Variants in ERC1 observed in about 807,000 individuals in gnomAD.
ERC1 encodes RAB6 interacting protein 2.
In ERC1, 56 loss-of-function variants were observed where a neutral mutation model predicts 132.0. That is an observed-to-expected ratio of 0.42 (90% CI 0.34 to 0.53). The LOEUF (loss-of-function observed/expected upper bound fraction) is 0.53, where lower values mean the gene tolerates loss of function less well. Among genes scored for constraint, ERC1 ranks in the 20% least tolerant of loss-of-function variants. ERC1 has a pLI of 0.03. For synonymous variants in ERC1, 478 were observed against 476.1 expected (o/e 1.00, Z -0.05); for missense variants, 1,202 against 1,349.9 (o/e 0.89, Z 1.72).
At chr12:1,092,249 G>A (rs1021571030) in intron 3 of ERC1, among the ~76,000 whole-genome samples, 3 of 152,058 alleles carry the variant, frequency 2.0e-5, no homozygotes, top group Non-Finnish European at 4.4e-5. Context: ...CGCCCGCCTC[G>A]GCCTCCTAAT....
chr12:1,397,260 T>C (rs1330273835), intron 16 of ERC1, among the ~76,000 whole-genome samples: 1 of 152,224 alleles, frequency 6.6e-6, no homozygotes, highest in East Asian at 1.9e-4. Context: ...TGTAGTAACA[T>C]TGCTTATCTG....
At chr12:1,006,114 A>G (rs1461220534) in intron 1 of ERC1, among the ~76,000 whole-genome samples, 4 of 151,640 alleles carry the variant, frequency 2.6e-5, no homozygotes, top group African/African-American at 4.9e-5. Flanking sequence ...CTGCCACCAC[A>G]CCTGGCTCAT....
intron 1 of ERC1, among the ~76,000 whole-genome samples, chr12:1,021,402 A>G (rs1415515702): frequency 2.0e-5 from 3 of 151,816 alleles, no homozygotes; most frequent in Non-Finnish European, 2.9e-5. Flanking sequence ...CCTACTTACT[A>G]CTTACTATAA....
At chr12:1,067,971 G>A (rs112094587) in intron 2 of ERC1, among the ~76,000 whole-genome samples, 1 of 128,464 alleles carries the variant, frequency 7.8e-6, no homozygotes, top group Non-Finnish European at 1.6e-5. Context: ...TCGCTCTGTC[G>A]CCCAGGCTGG....
chr12:1,335,994 G>C (rs1467266099), intron 15 of ERC1, among the ~76,000 whole-genome samples: 1 of 152,076 alleles, frequency 6.6e-6, no homozygotes, highest in East Asian at 1.9e-4. Context: ...AGTCTTGGGA[G>C]GGTGTATGTG....
At chr12:1,372,420 G>C (rs1406954949) in intron 16 of ERC1, among the ~76,000 whole-genome samples, 2 of 152,056 alleles carry the variant, frequency 1.3e-5, no homozygotes, top group East Asian at 3.9e-4. Context: ...CAGCCTAAAT[G>C]CTCTCAAAAT....
intron 17 of ERC1, chr12:1,443,356 G>A (rs1592100931): frequency 6.6e-6 from 1 of 152,164 alleles, no homozygotes; most frequent in East Asian, 1.9e-4. Flanking sequence ...AGAAATAAAG[G>A]AACGTGGCAG....
rs1949514968 is a variant in ERC1, at chr12:1,138,201, ATGATATATATTATATAATATATAT to A, written c.1570-3418_1570-3395del. 5.4e-5 allele frequency among the ~76,000 whole-genome samples: 6 copies of A among 111,978 alleles called. 1 individual carries two copies. The South Asian group carries it at 1.5e-3, about 28-fold the overall frequency. 73.5% of individuals were successfully genotyped at this position (111,978 alleles called of 152,430 possible). A position where few individuals can be genotyped will look rare whatever the true frequency, so the allele number is the denominator to read the frequency against. On this transcript the variant is annotated intron_variant, in intron 7 of 18. Coordinates refer to ENST00000360905, the MANE Select transcript of ERC1 (RefSeq NM_178040.4). ...TAATATATATCATATATAATTATAT[ATGATATATATTATATAATATATAT>A]CATGTATAATATAATTACAATATAT... is the stretch of plus-strand genomic sequence containing the variant.
intron 15 of ERC1, among the ~76,000 whole-genome samples, chr12:1,364,889 C>G (rs931310739): frequency 2.0e-5 from 3 of 152,206 alleles, no homozygotes; most frequent in African/African-American, 7.2e-5. Context: ...CTTTCCAACT[C>G]TACTTACTAA....
At chr12:1,151,917 G>C (rs1222332996) in intron 8 of ERC1, 1 of 152,438 alleles carries the variant, frequency 6.6e-6, no homozygotes, top group South Asian at 2.1e-4. Context: ...AGCTCAGCAA[G>C]GCTGGGCGCG....
chr12:1,118,804 T>C (rs1471752835), intron 7 of ERC1, among the ~76,000 whole-genome samples: 1 of 152,216 alleles, frequency 6.6e-6, no homozygotes, highest in Non-Finnish European at 1.5e-5. Context: ...TATCCCAGAC[T>C]TCGATCTAAC....
At chr12:1,104,867 C>T in intron 4 of ERC1, 43 bp downstream of exon 4, 1 of 1,355,458 alleles carries the variant, frequency 7.4e-7, no homozygotes, top group Non-Finnish European at 1.1e-6. Context: ...TTACCTTATA[C>T]TTTTAAGTGA....
intron 17 of ERC1, among the ~76,000 whole-genome samples, chr12:1,424,544 A>G (rs1259264338): frequency 1.3e-5 from 2 of 152,186 alleles, no homozygotes; most frequent in Non-Finnish European, 2.9e-5. Flanking sequence ...AAAAAGCAAA[A>G]AAGAGTAGTT....
At chr12:1,102,082 T>C (rs1944726913) in intron 3 of ERC1, among the ~76,000 whole-genome samples, 1 of 152,238 alleles carries the variant, frequency 6.6e-6, no homozygotes, top group South Asian at 2.1e-4. Flanking sequence ...AGGATAATTC[T>C]TTAATGGAAG....
At chr12:1,081,092 G>T (rs528806409) in intron 2 of ERC1, among the ~76,000 whole-genome samples, 1 of 152,116 alleles carries the variant, frequency 6.6e-6, no homozygotes, top group East Asian at 1.9e-4. Flanking sequence ...TCACAGTTTC[G>T]TGTTCTTCCC....
At chr12:993,662 G>C (rs1960145703) in intron 1 of ERC1, among the ~76,000 whole-genome samples, 1 of 152,142 alleles carries the variant, frequency 6.6e-6, no homozygotes, top group Admixed American at 6.5e-5. Context: ...CCAGCACTTT[G>C]GGAGGCCGAG....
chr12:1,008,695 T>G (rs1335166067), intron 1 of ERC1, among the ~76,000 whole-genome samples: 1 of 152,242 alleles, frequency 6.6e-6, no homozygotes, highest in African/African-American at 2.4e-5. Flanking sequence ...TTATCAGAAA[T>G]ATTTCATCTG....
intron 2 of ERC1, among the ~76,000 whole-genome samples, chr12:1,055,966 T>C (rs1972869182): frequency 6.6e-6 from 1 of 151,766 alleles, no homozygotes; most frequent in Non-Finnish European, 1.5e-5. Context: ...GGCAACATAA[T>C]GAGACCCCTG....
At chr12:1,466,181 C>T (rs1002458983) in intron 18 of ERC1, among the ~76,000 whole-genome samples, 2 of 152,154 alleles carry the variant, frequency 1.3e-5, no homozygotes, top group Admixed American at 6.5e-5. Flanking sequence ...AGTCCGAGAT[C>T]AAGGGGTCGG....
Sources: allele counts gnomAD v4.1 joint callset (sites outside exome capture counted in the v4.1 genomes callset), GRCh38; gene constraint gnomAD v4.1.1; transcripts MANE v1.5; gene names NCBI Gene and HGNC (gene_info 2026-07-23, HGNC 2026-07-21).